The following DST variants were observed in gnomAD, a reference collection of about 807,000 sequenced individuals.
DST encodes the protein bullous pemphigoid antigen.
DST carries 253 observed loss-of-function variants against 875.2 expected under a neutral mutation model. The observed-to-expected ratio is 0.29, with a 90% CI of 0.26 to 0.32. The LOEUF (loss-of-function observed/expected upper bound fraction) is 0.32. Ranked by LOEUF, DST falls within the 10% of genes least tolerant of loss-of-function variation. The pLI is 1.00. For missense variants in DST, 8,287 were observed against 9,111.6 expected, an observed-to-expected ratio of 0.91 and a Z score of 3.68; for synonymous variants, 3,124 against 3,197.1, an observed-to-expected ratio of 0.98 and a Z score of 0.77.
At chr6:56,721,998 T>G (rs1302661029) in intron 5 of DST, among the ~76,000 whole-genome samples, 1 of 152,252 alleles carries the variant, frequency 6.6e-6, no homozygotes, top group African/African-American at 2.4e-5. Flanking sequence ...AATACAATTT[T>G]ATTTATGAAC....
At chr6:56,665,255 A>G (rs1294441604) in intron 10 of DST, among the ~76,000 whole-genome samples, 2 of 152,214 alleles carry the variant, frequency 1.3e-5, no homozygotes, top group African/African-American at 2.4e-5. Flanking sequence ...AAGTTAAACA[A>G]CTTCATTAAA....
rs115723306 is a variant in DST, at chr6:56,909,957, C to T, written c.217-9336G>A. Reference sequence around the variant, plus strand: ...TTGGTCCTGGAAGTCACTTTGTCAGCCGGGAAAAAAAATAATGTATCTAGA... The same window carrying T: ...TTGGTCCTGGAAGTCACTTTGTCAGTCGGGAAAAAAAATAATGTATCTAGA... On this transcript the variant is annotated intron_variant, in intron 2 of 103. Coordinates refer to ENST00000680361, the MANE Select transcript of DST (RefSeq NM_001374736.1). Among the ~76,000 whole-genome samples, 1,403 of 151,956 alleles carry T rather than the reference C, an allele frequency of 9.2e-3. 24 individuals carry two copies. Among genetic ancestry groups the T allele is most frequent in the African/African-American group, 0.032 (1,332 of 41,432 alleles).
At chr6:56,953,922 G>C in intron 1 of DST, 103 bp from the exon 2 acceptor site, 2 of 730,240 alleles carry the variant, frequency 2.7e-6, no homozygotes, top group Non-Finnish European at 4.1e-6. Context: ...AAAGCACATC[G>C]CAGACTCCTG....
intron 3 of DST, among the ~76,000 whole-genome samples, chr6:56,889,486 G>A (rs916520058): frequency 6.6e-6 from 1 of 152,186 alleles, no homozygotes; most frequent in Non-Finnish European, 1.5e-5. Context: ...GTGCTCAGAG[G>A]CTAAGATTTT....
At chr6:56,467,059 C>G (rs998764621) in intron 98 of DST, 2 of 152,052 alleles carry the variant, frequency 1.3e-5, no homozygotes, top group African/African-American at 4.8e-5. Context: ...GTTTTGAAAG[C>G]CTGTGAGAAA....
intron 2 of DST, among the ~76,000 whole-genome samples, chr6:56,901,766 T>C (rs534512373): frequency 4.7e-4 from 71 of 152,152 alleles, no homozygotes; most frequent in African/African-American, 1.7e-3. Flanking sequence ...GCAAGATGAG[T>C]ATAAGGACAA....
chr6:56,939,593 T>G, intron 2 of DST, among the ~76,000 whole-genome samples: 1 of 152,322 alleles, frequency 6.6e-6, no homozygotes, highest in South Asian at 2.1e-4. Flanking sequence ...TCCCCTTATA[T>G]CTAGGCTTTC....
intron 5 of DST, among the ~76,000 whole-genome samples, chr6:56,723,825 T>C (rs1326104272): frequency 1.3e-5 from 2 of 152,206 alleles, no homozygotes; most frequent in Admixed American, 6.5e-5. Context: ...CTCTTTTTAG[T>C]ATGCTAATGT....
chr6:56,585,614 C>A (rs889926354), intron 49 of DST, among the ~76,000 whole-genome samples: 1 of 151,738 alleles, frequency 6.6e-6, no homozygotes, highest in Non-Finnish European at 1.5e-5. Context: ...CTCTGACTTT[C>A]GTTATTTCTT....
chr6:56,641,187 C>T (rs2152779018), intron 17 of DST, among the ~76,000 whole-genome samples: 1 of 152,176 alleles, frequency 6.6e-6, no homozygotes, highest in Non-Finnish European at 1.5e-5. Flanking sequence ...CCCCCATACA[C>T]ACACTTCTCA....
intron 7 of DST, among the ~76,000 whole-genome samples, chr6:56,703,410 A>G (rs1317680684): frequency 6.6e-6 from 1 of 152,208 alleles, no homozygotes; most frequent in African/African-American, 2.4e-5. Context: ...TTTAATTACC[A>G]TGCAGTGCAC....
chr6:56,485,842 A>T (rs1370355182), intron 87 of DST, among the ~76,000 whole-genome samples: 2 of 152,172 alleles, frequency 1.3e-5, no homozygotes, highest in Non-Finnish European at 2.9e-5. Context: ...ACATGTATAG[A>T]TTCACGTAAT....
At chr6:56,678,433 C>T (rs544659682) in intron 9 of DST, among the ~76,000 whole-genome samples, 19 of 152,286 alleles carry the variant, frequency 1.2e-4, no homozygotes, top group Middle Eastern at 3.4e-3. Flanking sequence ...TATCTATGAA[C>T]GGTAGAGGAA....
Position 56,529,638 on chromosome 6 carries a change from T to C in DST, c.17405A>G (p.Tyr5802Cys). Reference protein sequence around the residue: ...QSKLDFSQVWYIEIQEKSHSR... With the variant: ...QSKLDFSQVWCIEIQEKSHSR... ...GTGACTTTTCTCTTGAATCTCAATG[T>C]ACCATACTTGAGAGAAGTCTAATTT... Residue 5802 changes from tyrosine (Y) to cysteine (C), a missense_variant, in exon 66 of 104, where the codon TAC becomes TGC. Around this residue, in one of 10 missense-constraint regions of DST, gnomAD observed 777 missense variants for 764.8 expected, o/e 1.02. Transcript: ENST00000680361. 1 of 1,613,786 alleles carries C rather than the reference T, an allele frequency of 6.2e-7. No homozygotes were observed.
chr6:56,501,381 T>G, intron 79 of DST, 139 bp downstream of exon 79: 1 of 1,135,598 alleles, frequency 8.8e-7, no homozygotes, highest in Non-Finnish European at 1.2e-6. Flanking sequence ...CCTTCTATGT[T>G]TTAAGTTTGA....
chr6:56,693,125 T>C, intron 9 of DST: 1 of 1,288,156 alleles, frequency 7.8e-7, no homozygotes, highest in Non-Finnish European at 1.0e-6. Flanking sequence ...TTCTCAGCTC[T>C]TACACATCCA....
At chr6:56,531,296 A>C (rs2096892251) in intron 64 of DST, among the ~76,000 whole-genome samples, 1 of 152,152 alleles carries the variant, frequency 6.6e-6, no homozygotes, top group Admixed American at 6.5e-5. Flanking sequence ...CCTCAATTTA[A>C]TATCTCTGTG....
intron 4 of DST, among the ~76,000 whole-genome samples, chr6:56,831,271 T>C (rs2099786611): frequency 6.6e-6 from 1 of 152,188 alleles, no homozygotes; most frequent in South Asian, 2.1e-4. Context: ...TTCTTAAAAA[T>C]GGAGGATAAA....
intron 92 of DST, among the ~76,000 whole-genome samples, chr6:56,475,507 A>C (rs752252309): frequency 7.9e-5 from 12 of 152,180 alleles, no homozygotes; most frequent in Non-Finnish European, 1.5e-4. Context: ...ATGCATATTA[A>C]ACAAACTGTG....
Sources: gnomAD v4.1 joint callset for allele counts (sites outside exome capture counted in the v4.1 genomes callset) on GRCh38, gnomAD v4.1.1 for gene constraint, gnomAD v4.1.1 regional missense constraint, MANE v1.5 for transcripts, NCBI Gene and HGNC (gene_info 2026-07-23, HGNC 2026-07-21) for gene names.